The following NCAPG2 variants were observed in gnomAD, a reference collection of about 807,000 sequenced individuals.
NCAPG2 encodes condensin-2 complex subunit G2.
Under a neutral mutation model 141.1 loss-of-function variants are expected in NCAPG2, and 53 were observed. The observed-to-expected ratio is 0.38, with a 90% CI of 0.30 to 0.47. The LOEUF (loss-of-function observed/expected upper bound fraction) is 0.47. Among genes scored for constraint, NCAPG2 ranks in the 20% least tolerant of loss-of-function variants. NCAPG2 has a pLI of 0.99. For synonymous variants in NCAPG2, 499 were observed against 490.7 expected, an observed-to-expected ratio of 1.02 and a Z score of -0.22; for missense variants, 1,087 against 1,389.0, an observed-to-expected ratio of 0.78 and a Z score of 3.46.
At chr7:158,655,486 C>CTG in intron 19 of NCAPG2, 31 bp from the exon 20 acceptor site, 1 of 1,570,634 alleles carries the variant, frequency 6.4e-7, no homozygotes, top group Non-Finnish European at 8.8e-7. Flanking sequence ...GGGCCACATG[C>CTG]TGACTGACAA....
In NCAPG2 at chr7:158,664,172, T is replaced by C. The variant is rs377687961; in HGVS notation, c.1815+12A>G. 3.2e-6 allele frequency: 5 copies of C among 1,581,536 alleles called. No homozygotes were observed. Among genetic ancestry groups the C allele is most frequent in the Non-Finnish European group, 4.3e-6 (5 of 1,150,462 alleles). ...AGGCACTATCTGCCCGGCCTGGCCCTGTTCTACTCACAGTCACATTCTCCT... is the reference window on the plus strand; with the variant it reads ...AGGCACTATCTGCCCGGCCTGGCCCCGTTCTACTCACAGTCACATTCTCCT... On this transcript the variant is annotated intron_variant, in intron 15 of 27. Coordinates refer to ENST00000356309, the MANE Select transcript of NCAPG2 (RefSeq NM_017760.7).
chr7:158,658,766 G>GA (rs1272715978), intron 16 of NCAPG2, among the ~76,000 whole-genome samples: 2 of 151,690 alleles, frequency 1.3e-5, no homozygotes, highest in Admixed American at 1.3e-4. Flanking sequence ...CTGATGAAAT[G>GA]AAAAAAAATT....
In NCAPG2 at chr7:158,650,373, T is replaced by C. The variant is rs546690868; in HGVS notation, c.3075+459A>G. Among the ~76,000 whole-genome samples the C allele has an allele frequency of 5.3e-5, 8 of 152,258 alleles. No homozygotes were observed. The South Asian group carries it at 1.5e-3, about 28-fold the overall frequency. Reference sequence around the variant, plus strand: ...ACTGACATTAGAAGGTTGAACATCCTAGCTTAGAAATGAAAAAAAGGTGGG... The same window carrying C: ...ACTGACATTAGAAGGTTGAACATCCCAGCTTAGAAATGAAAAAAAGGTGGG... On this transcript the variant is annotated intron_variant, in intron 24 of 27. Transcript: ENST00000356309.
chr7:158,653,366 AAAAAAAAAAAAT>A (rs969849762), intron 22 of NCAPG2, among the ~76,000 whole-genome samples: 1 of 25,770 alleles, frequency 3.9e-5, no homozygotes, highest in Non-Finnish European at 1.0e-4. Context: ...CTTGGTCTCA[AAAAAAAAAAAAT>A]AAAAAAAAAA....
At chr7:158,680,944 CAT>C (rs1349949869) in intron 9 of NCAPG2, 128 bp from the exon 10 acceptor site, 1 of 593,914 alleles carries the variant, frequency 1.7e-6, no homozygotes, top group Non-Finnish European at 2.8e-6. Context: ...CTGGCATCCA[CAT>C]GTCATGACAA....
At chr7:158,697,620 G>T (rs1018306286) in intron 2 of NCAPG2, among the ~76,000 whole-genome samples, 2 of 149,696 alleles carry the variant, frequency 1.3e-5, no homozygotes, top group African/African-American at 4.9e-5. Flanking sequence ...AAAAAAAAAA[G>T]TAAAAATAGA....
chr7:158,651,315 G>A (rs1831476054), intron 23 of NCAPG2, among the ~76,000 whole-genome samples: 1 of 152,164 alleles, frequency 6.6e-6, no homozygotes. Flanking sequence ...AATGTATTCT[G>A]ACTAAAGCTA....
chr7:158,665,127 A>G (rs1832816881), intron 13 of NCAPG2: 1 of 186,654 alleles, frequency 5.4e-6, no homozygotes, highest in Admixed American at 5.4e-5. Context: ...AAAAATATAT[A>G]CAACGTTTTT....
intron 22 of NCAPG2, among the ~76,000 whole-genome samples, chr7:158,654,153 AC>A (rs1413440724): frequency 6.6e-6 from 1 of 152,102 alleles, no homozygotes; most frequent in Non-Finnish European, 1.5e-5. Context: ...GCCATGGGTC[AC>A]CCTGTGCTAA....
At chr7:158,683,419 T>G (rs765832855) in intron 8 of NCAPG2, 33 bp from the exon 9 acceptor site, 2 of 1,475,294 alleles carry the variant, frequency 1.4e-6, no homozygotes, top group South Asian at 2.5e-5. Context: ...AAGCACTTGG[T>G]GTGTGTGTGT....
At chr7:158,660,397 C>CTTTTTTTT (rs1563525366) in intron 16 of NCAPG2, among the ~76,000 whole-genome samples, 1 of 111,272 alleles carries the variant, frequency 9.0e-6, no homozygotes, top group African/African-American at 4.2e-5. Context: ...ATTATTTCAG[C>CTTTTTTTT]TTTCTTTTTT....
At chr7:158,699,632 C>T (rs1364203773) in intron 2 of NCAPG2, among the ~76,000 whole-genome samples, 1 of 152,172 alleles carries the variant, frequency 6.6e-6, no homozygotes, top group Non-Finnish European at 1.5e-5. Flanking sequence ...CTCTCCAATG[C>T]TCTGTATTCC....
intron 19 of NCAPG2, among the ~76,000 whole-genome samples, 161 bp downstream of exon 19, chr7:158,656,099 A>G (rs1831952323): frequency 1.3e-5 from 2 of 152,226 alleles, no homozygotes; most frequent in African/African-American, 2.4e-5. Flanking sequence ...TGCCCTGGCC[A>G]GGCTCCATGC....
At chr7:158,692,534 G>C (rs964972378) in intron 4 of NCAPG2, among the ~76,000 whole-genome samples, 2 of 152,188 alleles carry the variant, frequency 1.3e-5, no homozygotes, top group Admixed American at 6.5e-5. Flanking sequence ...CTGAGGTCAG[G>C]AGTTTGAGAC....
chr7:158,646,114 G>A (rs1830997187), intron 25 of NCAPG2, among the ~76,000 whole-genome samples: 2 of 152,132 alleles, frequency 1.3e-5, no homozygotes. Context: ...AATGGCACCG[G>A]TATTTAACCT....
At chr7:158,650,235 C>G (rs575471335) in intron 24 of NCAPG2, among the ~76,000 whole-genome samples, 4 of 152,256 alleles carry the variant, frequency 2.6e-5, no homozygotes, top group African/African-American at 9.6e-5. Flanking sequence ...TTAGTAGAGA[C>G]AGAGTTTCAT....
chr7:158,690,034 A>G, intron 5 of NCAPG2, 81 bp from the exon 6 acceptor site: 1 of 1,150,410 alleles, frequency 8.7e-7, no homozygotes, highest in Non-Finnish European at 1.1e-6. Flanking sequence ...TTTATATCAT[A>G]AATAATGGTA....
chr7:158,684,220 C>T lies in NCAPG2; in HGVS notation c.838-834G>A, dbSNP rs547332676. On this transcript the variant is annotated intron_variant, in intron 8 of 27. Coordinates refer to ENST00000356309, the MANE Select transcript of NCAPG2 (RefSeq NM_017760.7). The stretch of plus-strand genomic sequence containing the variant: ...GCAATGAAAGATGAGATACACAGCA[C>T]TACCTGGGAAGTTATTTGTACCATA... Among the ~76,000 whole-genome samples the T allele has an allele frequency of 2.0e-5, 3 of 152,350 alleles. No homozygotes were observed. In the South Asian group the frequency reaches 6.2e-4, roughly 32 times the overall value.
chr7:158,640,052 C>CAAAAAAA (rs58368997), intron 27 of NCAPG2: 46 of 98,308 alleles, frequency 4.7e-4, no homozygotes, highest in African/African-American at 1.8e-3. Context: ...GAATAAATGC[C>CAAAAAAA]AAAAAAAAAA....
Sources: gnomAD v4.1 joint callset for allele counts (sites outside exome capture counted in the v4.1 genomes callset) on GRCh38, gnomAD v4.1.1 for gene constraint, MANE v1.5 for transcripts, NCBI Gene and HGNC (gene_info 2026-07-23, HGNC 2026-07-21) for gene names.